Variants in MSRA observed in about 807,000 individuals in gnomAD.
The protein encoded by MSRA is mitochondrial peptide methionine sulfoxide reductase.
A neutral mutation model predicts 31.3 loss-of-function variants in MSRA; 54 were observed. That is an observed-to-expected ratio of 1.73 (90% confidence interval 1.39 to 2.17). MSRA has a LOEUF of 2.17. Among genes scored for constraint, MSRA ranks in the 30% most tolerant of loss-of-function variants. MSRA has a pLI of 0.00. For missense variants in MSRA, 507 were observed against 300.9 expected, an observed-to-expected ratio of 1.69 and a Z score of -5.07; for synonymous variants, 169 against 116.5, an observed-to-expected ratio of 1.45 and a Z score of -2.90.
In MSRA at chr8:10,272,056, G is replaced by C. The variant is rs1399472939; in HGVS notation, c.331+26833G>C. Among the ~76,000 whole-genome samples, 5 of 152,218 alleles carry C rather than the reference G, an allele frequency of 3.3e-5. No homozygotes were observed. The East Asian group carries it at 9.7e-4, about 29-fold the overall frequency. On this transcript the variant is annotated intron_variant, in intron 3 of 5. Coordinates refer to ENST00000317173, the MANE Select transcript of MSRA (RefSeq NM_012331.5). ...CCAATTTAGCCCCTTTCTTTCTTCA[G>C]TCTCTTCTATTCTCCAACCATGGAT...
rs199668432 is a variant in MSRA, at chr8:10,301,517, G to A, written c.332-17G>A. The A allele has an allele frequency of 1.8e-5, 29 of 1,599,434 alleles. No homozygotes were observed. The highest frequency in any genetic ancestry group is 1.4e-4 in the Admixed American group (8 of 57,580). ...TGTTGTCAGTAAATTTCGGTTGTACGTTTTGTTTTTTCCAAGAAAAAACTG... is the reference window on the plus strand; with the variant it reads ...TGTTGTCAGTAAATTTCGGTTGTACATTTTGTTTTTTCCAAGAAAAAACTG... On this transcript the variant is annotated splice_polypyrimidine_tract_variant and intron_variant, in intron 3 of 5. Coordinates refer to ENST00000317173, the MANE Select transcript of MSRA (RefSeq NM_012331.5).
intron 1 of MSRA, among the ~76,000 whole-genome samples, chr8:10,121,853 T>A (rs1032037692): frequency 1.4e-4 from 21 of 151,950 alleles, no homozygotes; most frequent in Non-Finnish European, 2.5e-4. Flanking sequence ...AATTTTTTTT[T>A]TTTTTTTGGT....
chr8:10,405,938 TCACA>T (rs747812830), intron 5 of MSRA, among the ~76,000 whole-genome samples: 3 of 152,202 alleles, frequency 2.0e-5, no homozygotes, highest in Non-Finnish European at 2.9e-5. Flanking sequence ...TCACATGTGC[TCACA>T]CACACACATG....
At chr8:10,363,181 C>G (rs916093719) in intron 5 of MSRA, among the ~76,000 whole-genome samples, 1 of 152,166 alleles carries the variant, frequency 6.6e-6, no homozygotes, top group African/African-American at 2.4e-5. Context: ...ACTTGAAGCC[C>G]TGCAGTTGCT....
At chr8:10,201,464 G>A (rs1585155761) in intron 1 of MSRA, among the ~76,000 whole-genome samples, 1 of 152,180 alleles carries the variant, frequency 6.6e-6, no homozygotes, top group East Asian at 1.9e-4. Context: ...GTGTCCCCTG[G>A]TCACCCAGTC....
chr8:10,117,372 C>G (rs1025011030), intron 1 of MSRA, among the ~76,000 whole-genome samples: 1 of 152,170 alleles, frequency 6.6e-6, no homozygotes, highest in East Asian at 1.9e-4. Flanking sequence ...CACAGCTCTT[C>G]CCTAGACTGG....
At chr8:10,320,715 C>T (rs1301475441) in intron 5 of MSRA, among the ~76,000 whole-genome samples, 1 of 152,152 alleles carries the variant, frequency 6.6e-6, no homozygotes, top group Non-Finnish European at 1.5e-5. Context: ...AGTCCAAGAT[C>T]AAGGTGTCGG....
At chr8:10,153,673 C>A (rs1233479405) in intron 1 of MSRA, among the ~76,000 whole-genome samples, 1 of 152,174 alleles carries the variant, frequency 6.6e-6, no homozygotes, top group Admixed American at 6.5e-5. Flanking sequence ...CGCCCACCGT[C>A]TGAGAAACCC....
At chr8:10,069,036 A>C (rs533915749) in intron 1 of MSRA, among the ~76,000 whole-genome samples, 79 of 152,208 alleles carry the variant, frequency 5.2e-4, no homozygotes, top group Admixed American at 5.9e-4. Flanking sequence ...TTTGATGTTG[A>C]TGTAAATGGT....
intron 2 of MSRA, among the ~76,000 whole-genome samples, chr8:10,212,360 G>T (rs1027089300): frequency 6.6e-6 from 1 of 152,052 alleles, no homozygotes; most frequent in African/African-American, 2.4e-5. Flanking sequence ...CTTTAACGAG[G>T]TTGTATATTA....
chr8:10,404,101 A>T (rs1807641006), intron 5 of MSRA, among the ~76,000 whole-genome samples: 1 of 152,142 alleles, frequency 6.6e-6, no homozygotes, highest in African/African-American at 2.4e-5. Context: ...GACTTCGGAA[A>T]ATGCTTCAAA....
intron 1 of MSRA, among the ~76,000 whole-genome samples, chr8:10,133,714 G>A (rs1802065041): frequency 6.6e-6 from 1 of 152,230 alleles, no homozygotes; most frequent in African/African-American, 2.4e-5. Context: ...CAGGGGAAGT[G>A]CTCAGGAAAT....
intron 1 of MSRA, among the ~76,000 whole-genome samples, chr8:10,101,528 A>G (rs577599928): frequency 6.6e-6 from 1 of 152,140 alleles, no homozygotes; most frequent in East Asian, 1.9e-4. Context: ...ATAACTTTCT[A>G]TTCTTCCCTT....
At chr8:10,283,160 A>ACACACACACTCTCTCTCTCTCTCTCT in intron 3 of MSRA, among the ~76,000 whole-genome samples, 2,381 of 140,122 alleles carry the variant, frequency 0.017, 66 homozygotes, top group African/African-American at 0.05. Flanking sequence ...ACACACACAC[A>ACACACACACTCTCTCTCTCTCTCTCT]CTCTCACCCT....
rs148414630 is a variant in MSRA, at chr8:10,142,188, C to A, written c.143-65645C>A. Among the ~76,000 whole-genome samples the A allele has an allele frequency of 1.0e-3, 157 of 152,240 alleles. 4 individuals carry two copies. Among genetic ancestry groups the A allele is most frequent in the African/African-American group, 3.5e-3 (144 of 41,528 alleles). On this transcript the variant is annotated intron_variant, in intron 1 of 5. Transcript: ENST00000317173. ...GGTCAGGCTGGTCTGCAACTCCCGA[C>A]CTCAGGTGATCCACCCACCTTGACC... is the stretch of plus-strand genomic sequence containing the variant.
Position 10,266,029 on chromosome 8 carries a change from G to A in MSRA, c.331+20806G>A, listed in dbSNP as rs571502834. Among the ~76,000 whole-genome samples the A allele has an allele frequency of 7.2e-5, 11 of 152,320 alleles. No individual in the cohort carries two copies. The East Asian group carries it at 1.5e-3, about 21-fold the overall frequency. ...GTCAGGTTGTTTTCAGTTTGGGGCT[G>A]TTACAAATAATGCTGCCATCAATAT... On this transcript the variant is annotated intron_variant, in intron 3 of 5. Transcript: ENST00000317173.
At chr8:10,262,199 T>G (rs4288377) in intron 3 of MSRA, among the ~76,000 whole-genome samples, 38,292 of 152,168 alleles carry the variant, frequency 0.25, 5,168 homozygotes, top group Non-Finnish European at 0.29. Context: ...TGTGTACAGG[T>G]TTTTATGTGC....
intron 5 of MSRA, among the ~76,000 whole-genome samples, chr8:10,368,910 C>G (rs904391691): frequency 6.6e-6 from 1 of 152,184 alleles, no homozygotes; most frequent in African/African-American, 2.4e-5. Context: ...AAAGGCTTCT[C>G]CCCTACTGAT....
intron 1 of MSRA, among the ~76,000 whole-genome samples, chr8:10,155,396 C>G (rs1804066260): frequency 6.6e-6 from 1 of 152,204 alleles, no homozygotes; most frequent in Admixed American, 6.5e-5. Flanking sequence ...CGCTCTCTCT[C>G]TCACTGTTGT....
Sources: allele counts gnomAD v4.1 joint callset (sites outside exome capture counted in the v4.1 genomes callset), GRCh38; gene constraint gnomAD v4.1.1; transcripts MANE v1.5; gene names NCBI Gene and HGNC (gene_info 2026-07-23, HGNC 2026-07-21).